The following PLSCR4 variants were observed in gnomAD, a reference collection of about 807,000 sequenced individuals.
The protein encoded by PLSCR4 is phospholipid scramblase 4.
In PLSCR4, 25 loss-of-function variants were observed where a neutral mutation model predicts 36.3. The observed-to-expected ratio is 0.69, with a 90% confidence interval of 0.50 to 0.96. The LOEUF is 0.96. Among genes scored for constraint, PLSCR4 ranks in the 40% least tolerant of loss-of-function variants. The pLI is 0.00. For missense variants in PLSCR4, 408 were observed against 414.7 expected, an observed-to-expected ratio of 0.98 and a Z score of 0.14; for synonymous variants, 122 against 132.9, an observed-to-expected ratio of 0.92 and a Z score of 0.56.
chr3:146,243,621 T>C (rs2036240052), intron 1 of PLSCR4, among the ~76,000 whole-genome samples: 1 of 152,134 alleles, frequency 6.6e-6, no homozygotes, highest in African/African-American at 2.4e-5. Flanking sequence ...GCAAAGTGCC[T>C]ATAGATGACA....
Position 146,195,191 on chromosome 3 carries a change from T to C in PLSCR4, c.878A>G (p.Asp293Gly), listed in dbSNP as rs774687691. The change falls in exon 8 of 9, where the codon GAC becomes GGC. Residue 293 changes from aspartate (D) to glycine (G), a missense_variant. Physicochemically the swap from Asp to Gly is moderately conservative, Grantham distance 94. Coordinates refer to ENST00000354952, the MANE Select transcript of PLSCR4 (RefSeq NM_020353.3). ...ATCCAGGTCTAGTGGGAAGTGAATG[T>C]CAAAATGGTCAGCATCTGCCATTGC... ...LSAMADADHFDIHFPLDLDVK... is the reference protein window; with the variant it reads ...LSAMADADHFGIHFPLDLDVK... 1.2e-6 allele frequency: 2 copies of C among 1,613,792 alleles called. No individual in the cohort carries two copies. The highest frequency in any genetic ancestry group is 1.1e-5 in the South Asian group (1 of 91,068).
chr3:146,229,106 C>A (rs1160685980), intron 1 of PLSCR4, among the ~76,000 whole-genome samples: 1 of 152,098 alleles, frequency 6.6e-6, no homozygotes, highest in Non-Finnish European at 1.5e-5. Flanking sequence ...CTTAGTATTG[C>A]ATAATAGAGA....
chr3:146,245,723 C>T (rs891604280), intron 1 of PLSCR4, among the ~76,000 whole-genome samples: 1 of 124,506 alleles, frequency 8.0e-6, no homozygotes, highest in Non-Finnish European at 1.8e-5. Flanking sequence ...TAAACATTTC[C>T]TCTTTAAATT....
chr3:146,202,534 C>T (rs1309957929), intron 4 of PLSCR4, among the ~76,000 whole-genome samples: 2 of 151,996 alleles, frequency 1.3e-5, no homozygotes, highest in East Asian at 1.9e-4. Flanking sequence ...GGTCTTGTCT[C>T]TATGTTAATG....
chr3:146,216,209 C>A (rs1418716249), intron 3 of PLSCR4, among the ~76,000 whole-genome samples: 1 of 152,104 alleles, frequency 6.6e-6, no homozygotes, highest in Non-Finnish European at 1.5e-5. Flanking sequence ...CCAGCCTGGG[C>A]AACACGGCAG....
chr3:146,249,582 ATGTG>A (rs923070718), intron 1 of PLSCR4, among the ~76,000 whole-genome samples: 28 of 151,288 alleles, frequency 1.9e-4, no homozygotes, highest in Non-Finnish European at 3.1e-4. Flanking sequence ...CACTATATAT[ATGTG>A]TGTATGTATA....
At chr3:146,227,649 C>T (rs1234178483) in intron 1 of PLSCR4, among the ~76,000 whole-genome samples, 3 of 152,122 alleles carry the variant, frequency 2.0e-5, no homozygotes, top group Non-Finnish European at 2.9e-5. Flanking sequence ...GGAAGCTATC[C>T]TGGCCTCTCC....
chr3:146,208,098 T>A (rs1369773140), intron 3 of PLSCR4, among the ~76,000 whole-genome samples: 1 of 152,024 alleles, frequency 6.6e-6, no homozygotes, highest in East Asian at 1.9e-4. Context: ...CATAGACCAA[T>A]GGAACAGAAT....
In PLSCR4 at chr3:146,192,781, G is replaced by A. The variant is rs1324525996; in HGVS notation, c.*1630C>T. On this transcript the variant is annotated 3_prime_UTR_variant, in exon 9 of 9. Transcript: ENST00000354952. ...TTGCAATGGCACTTTCAAATATAAG[G>A]CAATTAATATTTTAGAAAGCAGCAA... is the stretch of plus-strand genomic sequence containing the variant. 2 of 151,102 alleles carry A rather than the reference G, an allele frequency of 1.3e-5. No homozygotes were observed. Among genetic ancestry groups the A allele is most frequent in the Admixed American group, 1.3e-4 (2 of 15,180 alleles). The allele number at this position is 151,102 out of a possible 1,614,324, so 9.4% of individuals were successfully genotyped here.
chr3:146,193,278 TTATC>T lies in PLSCR4; in HGVS notation c.*1129_*1132del, dbSNP rs946227639. The T allele has an allele frequency of 1.3e-5, 2 of 151,872 alleles. No homozygotes were observed. Among genetic ancestry groups the T allele is most frequent in the Non-Finnish European group, 2.9e-5 (2 of 67,938 alleles). The allele number at this position is 151,872 out of a possible 1,614,324, so 9.4% of individuals were successfully genotyped here. ...ATTATTACTCTGTGTAGATACATAT[TTATC>T]TATCATGTCAATAAAAAGAAGCAAA... On this transcript the variant is annotated 3_prime_UTR_variant, in exon 9 of 9. Coordinates refer to ENST00000354952, the MANE Select transcript of PLSCR4 (RefSeq NM_020353.3).
intron 1 of PLSCR4, among the ~76,000 whole-genome samples, chr3:146,242,254 C>T (rs930279846): frequency 7.2e-5 from 11 of 152,140 alleles, no homozygotes; most frequent in South Asian, 4.1e-4. Context: ...ATTCATGAAT[C>T]GTTTTTCGCT....
intron 1 of PLSCR4, among the ~76,000 whole-genome samples, chr3:146,223,399 TCA>T (rs1186228015): frequency 2.4e-4 from 34 of 139,118 alleles, no homozygotes; most frequent in Middle Eastern, 3.3e-3. Flanking sequence ...CCAATTCTTT[TCA>T]CATATCTCTG....
chr3:146,233,005 T>G (rs1358358885), intron 1 of PLSCR4, among the ~76,000 whole-genome samples: 1 of 152,146 alleles, frequency 6.6e-6, no homozygotes, highest in Non-Finnish European at 1.5e-5. Context: ...TGGATGATGA[T>G]GTACCACAAG....
At chr3:146,194,511 G>A (rs2033606698) in intron 8 of PLSCR4, 56 bp from the exon 9 acceptor site, 1 of 1,048,318 alleles carries the variant, frequency 9.5e-7, no homozygotes, top group Non-Finnish European at 1.5e-6. Flanking sequence ...TATAATGCAT[G>A]CGGTATTATC....
intron 3 of PLSCR4, among the ~76,000 whole-genome samples, chr3:146,217,436 T>C (rs1333113807): frequency 1.3e-5 from 2 of 152,124 alleles, no homozygotes; most frequent in Non-Finnish European, 2.9e-5. Context: ...GCTAGAAAGA[T>C]AGGATGAAGA....
In PLSCR4 at chr3:146,209,262, G is replaced by A. The variant is rs113798065; in HGVS notation, c.119-2501C>T. On this transcript the variant is annotated intron_variant, in intron 3 of 8. Transcript: ENST00000354952. Reference sequence around the variant, plus strand: ...AATGGAATGGACTTTGGGGGCTCAGGGGTAATGATGGGAAGGGGGTGAGGG... The same window carrying A: ...AATGGAATGGACTTTGGGGGCTCAGAGGTAATGATGGGAAGGGGGTGAGGG... Among the ~76,000 whole-genome samples, 562 of 152,132 alleles carry A rather than the reference G, an allele frequency of 3.7e-3. 8 individuals carry two copies. The highest frequency in any genetic ancestry group is 0.012 in the African/African-American group (493 of 41,516).
chr3:146,226,422 A>G (rs1005355624), intron 1 of PLSCR4, among the ~76,000 whole-genome samples: 2 of 152,194 alleles, frequency 1.3e-5, no homozygotes, highest in African/African-American at 4.8e-5. Context: ...ACTAATTACA[A>G]CAGATTATTT....
chr3:146,218,540 C>T (rs995900090), intron 3 of PLSCR4, among the ~76,000 whole-genome samples: 3 of 151,194 alleles, frequency 2.0e-5, no homozygotes, highest in East Asian at 1.9e-4. Context: ...TGTAATTGAA[C>T]AATTTTTGTT....
intron 4 of PLSCR4, among the ~76,000 whole-genome samples, chr3:146,202,145 T>G (rs1450294899): frequency 1.3e-5 from 2 of 151,872 alleles, no homozygotes; most frequent in Non-Finnish European, 2.9e-5. Flanking sequence ...AAAAACACAA[T>G]GACATAAGGA....
Sources: allele counts gnomAD v4.1 joint callset (sites outside exome capture counted in the v4.1 genomes callset), GRCh38; gene constraint gnomAD v4.1.1; transcripts MANE v1.5; gene names NCBI Gene and HGNC (gene_info 2026-07-23, HGNC 2026-07-21).